Variants in SLC4A7 observed in about 807,000 individuals in gnomAD.
The protein encoded by SLC4A7 is solute carrier family 4 member 7.
SLC4A7 carries 51 observed loss-of-function variants against 137.6 expected under a neutral mutation model. The ratio of observed to expected loss-of-function variants is 0.37; its 90% CI spans 0.30 to 0.47. The LOEUF is 0.47. Among genes scored for constraint, SLC4A7 ranks in the 20% least tolerant of loss-of-function variants. The pLI is 1.00. For missense variants in SLC4A7, 1,247 were observed against 1,525.4 expected, an observed-to-expected ratio of 0.82 and a Z score of 3.04; for synonymous variants, 542 against 518.6, an observed-to-expected ratio of 1.05 and a Z score of -0.61.
intron 13 of SLC4A7, among the ~76,000 whole-genome samples, chr3:27,407,103 T>A (rs1053077925): frequency 2.9e-4 from 36 of 125,990 alleles, no homozygotes; most frequent in Admixed American, 8.9e-4. Context: ...TATTGCCATA[T>A]GAAGACCTTT....
At position 27,439,372 on chromosome 3, in the gene SLC4A7, T is replaced by C. The variant is rs147726760; in HGVS notation, c.290-1846A>G. On this transcript the variant is annotated intron_variant, in intron 3 of 25. Coordinates refer to ENST00000454389, the MANE Select transcript of SLC4A7 (RefSeq NM_001321103.2). ...TATGTTTATGTCATGAGCCTTCATA[T>C]TGAAGAAATAACCTAAGACCTAGGC... 3.5e-3 allele frequency among the ~76,000 whole-genome samples: 531 copies of C among 152,280 alleles called. 5 individuals are homozygous for C. Among genetic ancestry groups the C allele is most frequent in the African/African-American group, 0.011 (458 of 41,568 alleles).
chr3:27,431,718 C>A, intron 6 of SLC4A7, 49 bp from the exon 7 acceptor site: 2 of 1,459,090 alleles, frequency 1.4e-6, no homozygotes, highest in African/African-American at 2.8e-5. Flanking sequence ...CTGCAGAAGG[C>A]AAATAGAGAC....
intron 1 of SLC4A7, among the ~76,000 whole-genome samples, chr3:27,465,303 A>C (rs1231902920): frequency 1.3e-5 from 2 of 151,598 alleles, no homozygotes; most frequent in African/African-American, 2.4e-5. Context: ...AAAAAAAAAA[A>C]AAAAAACCCA....
intron 2 of SLC4A7, among the ~76,000 whole-genome samples, chr3:27,450,746 T>C (rs533043402): frequency 2.6e-5 from 4 of 152,248 alleles, no homozygotes; most frequent in East Asian, 1.9e-4. Flanking sequence ...TCTTTTACTA[T>C]TGCCTCTAGT....
In SLC4A7 at chr3:27,389,913, A is replaced by G; in HGVS notation, c.3360+18T>C. 1 of 1,593,292 alleles carries G rather than the reference A, an allele frequency of 6.3e-7. No individual in the cohort carries two copies. The highest frequency in any genetic ancestry group is 8.6e-7 in the Non-Finnish European group (1 of 1,163,170). ...CATATTATTAATTAGTGACAAAATA[A>G]GTCTGAAGAAATCTTACCATCATGG... On this transcript the variant is annotated intron_variant, in intron 22 of 25. Transcript: ENST00000454389.
intron 16 of SLC4A7, 75 bp from the exon 17 acceptor site, chr3:27,398,428 C>T: frequency 7.7e-7 from 1 of 1,291,772 alleles, no homozygotes; most frequent in Non-Finnish European, 1.1e-6. Context: ...GCTTCATTGA[C>T]TCGTAAGATG....
At chr3:27,405,439 G>A (rs1028147018) in intron 13 of SLC4A7, among the ~76,000 whole-genome samples, 1 of 152,094 alleles carries the variant, frequency 6.6e-6, no homozygotes, top group Non-Finnish European at 1.5e-5. Flanking sequence ...AGAGTAAATG[G>A]GAGAGACACA....
chr3:27,464,289 G>C (rs137925826), intron 1 of SLC4A7, among the ~76,000 whole-genome samples: 118 of 152,294 alleles, frequency 7.7e-4, no homozygotes, highest in African/African-American at 2.7e-3. Flanking sequence ...AAGTTAGTCT[G>C]TTTCAACGAA....
intron 1 of SLC4A7, among the ~76,000 whole-genome samples, chr3:27,463,703 A>G (rs1278153133): frequency 6.6e-6 from 1 of 152,048 alleles, no homozygotes; most frequent in Non-Finnish European, 1.5e-5. Flanking sequence ...GGGGGGAAGA[A>G]CCTGACCCCT....
At chr3:27,377,984 A>T (rs1359350330) in intron 25 of SLC4A7, among the ~76,000 whole-genome samples, 1 of 152,236 alleles carries the variant, frequency 6.6e-6, no homozygotes, top group Non-Finnish European at 1.5e-5. Flanking sequence ...TATTATTGTA[A>T]GGCCTTTATT....
intron 5 of SLC4A7, among the ~76,000 whole-genome samples, chr3:27,435,383 G>A (rs1412034312): frequency 6.6e-6 from 1 of 151,894 alleles, no homozygotes; most frequent in Non-Finnish European, 1.5e-5. Context: ...TCTTTGCTTA[G>A]ACTGTTCCTA....
At chr3:27,384,487 A>C (rs2050740065) in intron 23 of SLC4A7, among the ~76,000 whole-genome samples, 1 of 152,132 alleles carries the variant, frequency 6.6e-6, no homozygotes, top group Non-Finnish European at 1.5e-5. Context: ...ACACTGCATC[A>C]CTTGCTTTCA....
rs762384589 is a variant in SLC4A7 at position 27,375,562 on chromosome 3, G to C, written c.*1202C>G. On this transcript the variant is annotated 3_prime_UTR_variant, in exon 26 of 26. Coordinates refer to ENST00000454389, the MANE Select transcript of SLC4A7 (RefSeq NM_001321103.2). The stretch of plus-strand genomic sequence containing the variant: ...TAATTTCCTTTTAAAATATAAATAT[G>C]GCAGTGCTTTATATCAAAGATGTAA... 7.9e-5 allele frequency: 12 copies of C among 152,442 alleles called. No individual in the cohort carries two copies. Among genetic ancestry groups the C allele is most frequent in the South Asian group, 2.1e-4 (1 of 4,828 alleles). 9.4% of individuals were successfully genotyped at this position (152,442 alleles called of 1,614,324 possible).
intron 8 of SLC4A7, among the ~76,000 whole-genome samples, chr3:27,422,216 T>G (rs1559723820): frequency 1.3e-5 from 2 of 152,208 alleles, no homozygotes; most frequent in Admixed American, 6.5e-5. Flanking sequence ...AAAATTACTC[T>G]GGGCATTTCC....
intron 5 of SLC4A7, among the ~76,000 whole-genome samples, chr3:27,434,567 A>G (rs1356917209): frequency 6.6e-6 from 1 of 152,158 alleles, no homozygotes; most frequent in East Asian, 1.9e-4. Flanking sequence ...AAAATAACAA[A>G]ACAGAGCCAA....
chr3:27,433,811 T>C, intron 6 of SLC4A7, 105 bp downstream of exon 6: 1 of 886,118 alleles, frequency 1.1e-6, no homozygotes, highest in South Asian at 1.5e-5. Flanking sequence ...AATTCAGAGG[T>C]AGGTATAGTG....
At chr3:27,470,102 A>G (rs1055105148) in intron 1 of SLC4A7, among the ~76,000 whole-genome samples, 6 of 152,226 alleles carry the variant, frequency 3.9e-5, no homozygotes, top group Non-Finnish European at 5.9e-5. Context: ...CTCAATTGCC[A>G]TAGCATTAAA....
Position 27,374,668 on chromosome 3 carries a change from G to C in SLC4A7, c.*2096C>G, listed in dbSNP as rs1229010444. On this transcript the variant is annotated 3_prime_UTR_variant, in exon 26 of 26. Coordinates refer to ENST00000454389, the MANE Select transcript of SLC4A7 (RefSeq NM_001321103.2). Reference sequence around the variant, plus strand: ...GTATTTTGCAAGTGACGGTTTTTCTGGCACTGGATAATTACTATACACAAT... The same window carrying C: ...GTATTTTGCAAGTGACGGTTTTTCTCGCACTGGATAATTACTATACACAAT... 1 of 152,406 alleles carries C rather than the reference G, an allele frequency of 6.6e-6. No individual in the cohort carries two copies. Among genetic ancestry groups the C allele is most frequent in the Non-Finnish European group, 1.5e-5 (1 of 67,890 alleles). The allele number at this position is 152,406 out of a possible 1,614,324, so 9.4% of individuals were successfully genotyped here. A position where few individuals can be genotyped will look rare whatever the true frequency, so the allele number is the denominator to read the frequency against.
Position 27,421,708 on chromosome 3 carries a change from G to C in SLC4A7, c.1338C>G (p.Asp446Glu), listed in dbSNP as rs752991875. 1.9e-6 allele frequency: 3 copies of C among 1,613,866 alleles called. No individual in the cohort carries two copies. Among genetic ancestry groups the C allele is most frequent in the South Asian group, 2.2e-5 (2 of 91,058 alleles). ...ATGCAATTATTGGCCTTTCCAAAAA[G>C]TCTACTTCGCCCACCAGGACGTTGG... ...EASNVLVGEV[D>E]FLERPIIAFV... Residue 446 changes from aspartate to glutamate, a missense_variant, in exon 9 of 26, where the codon GAC (aspartate) becomes GAG (glutamate). Physicochemically the swap from Asp to Glu is conservative, Grantham distance 45. Transcript: ENST00000454389.
Sources: allele counts gnomAD v4.1 joint callset (sites outside exome capture counted in the v4.1 genomes callset), GRCh38; gene constraint gnomAD v4.1.1; transcripts MANE v1.5; gene names NCBI Gene and HGNC (gene_info 2026-07-23, HGNC 2026-07-21).